Variants in FBXL7 observed in about 807,000 individuals in gnomAD.
The protein encoded by FBXL7 is F-box and leucine rich repeat protein 7, also known as F-box/LRR-repeat protein 7.
FBXL7 carries 12 observed loss-of-function variants against 38.3 expected under a neutral mutation model. The ratio of observed to expected loss-of-function variants is 0.31; its 90% confidence interval spans 0.20 to 0.51. The LOEUF (loss-of-function observed/expected upper bound fraction) is 0.51, where lower values mean the gene tolerates loss of function less well. Ranked by LOEUF, FBXL7 falls within the 20% of genes least tolerant of loss-of-function variation. The pLI is 0.98. For missense variants in FBXL7, 567 were observed against 676.4 expected (o/e 0.84, Z 1.79); for synonymous variants, 297 against 300.9 (o/e 0.99, Z 0.13).
intron 2 of FBXL7, among the ~76,000 whole-genome samples, chr5:15,695,908 T>A (rs1743318452): frequency 6.6e-6 from 1 of 152,226 alleles, no homozygotes; most frequent in African/African-American, 2.4e-5. Flanking sequence ...CTGCAGTTGC[T>A]TTCTCTGTTC....
intron 2 of FBXL7, among the ~76,000 whole-genome samples, chr5:15,641,238 A>G (rs188626127): frequency 3.3e-5 from 5 of 152,288 alleles, no homozygotes; most frequent in Admixed American, 2.6e-4. Context: ...AAACCTTTCC[A>G]TGAGACTGAG....
At chr5:15,741,702 A>G (rs1345733650) in intron 2 of FBXL7, among the ~76,000 whole-genome samples, 1 of 152,238 alleles carries the variant, frequency 6.6e-6, no homozygotes, top group Non-Finnish European at 1.5e-5. Flanking sequence ...GAAGGAAAAT[A>G]TCGTATAGTC....
intron 2 of FBXL7, among the ~76,000 whole-genome samples, chr5:15,745,105 G>A (rs948574748): frequency 8.6e-5 from 13 of 151,986 alleles, no homozygotes; most frequent in African/African-American, 3.1e-4. Context: ...CACAAAATAA[G>A]AATAGAGATG....
rs113424407 is a variant in FBXL7 at position 15,609,670 on chromosome 5, T to C, written c.38-6313T>C. 7.5e-4 allele frequency among the ~76,000 whole-genome samples: 114 copies of C among 152,300 alleles called. 1 individual carries two copies. Among genetic ancestry groups the C allele is most frequent in the African/African-American group, 2.6e-3 (109 of 41,564 alleles). On this transcript the variant is annotated intron_variant, in intron 1 of 3. Coordinates refer to ENST00000504595, the MANE Select transcript of FBXL7 (RefSeq NM_012304.5). ...CCAACAGACTTTCCTTGACTTGTGGTCATGTCAGTGTCACCATGAAACCCA... is the reference window on the plus strand; with the variant it reads ...CCAACAGACTTTCCTTGACTTGTGGCCATGTCAGTGTCACCATGAAACCCA...
chr5:15,656,894 G>T (rs1432911458), intron 2 of FBXL7, among the ~76,000 whole-genome samples: 1 of 152,070 alleles, frequency 6.6e-6, no homozygotes, highest in Admixed American at 6.6e-5. Flanking sequence ...TATGTAAATT[G>T]TAGCCTGTAT....
At position 15,567,528 on chromosome 5, in the gene FBXL7, G is replaced by C. The variant is rs1365913791; in HGVS notation, c.38-48455G>C. Among the ~76,000 whole-genome samples, 23 of 151,690 alleles carry C rather than the reference G, an allele frequency of 1.5e-4. 1 individual carries two copies. Reference sequence around the variant, plus strand: ...ATCAGCATTCAGTGACCGTTACTTGGGAATCTAGATAATTTTCACTGAGAA... The same window carrying C: ...ATCAGCATTCAGTGACCGTTACTTGCGAATCTAGATAATTTTCACTGAGAA... On this transcript the variant is annotated intron_variant, in intron 1 of 3. Transcript: ENST00000504595.
chr5:15,606,985 G>T (rs185190941), intron 1 of FBXL7: 1 of 152,160 alleles, frequency 6.6e-6, no homozygotes, highest in East Asian at 1.9e-4. Context: ...CAGATCAATT[G>T]TTTGAGATAA....
At chr5:15,504,148 G>C (rs1736578585) in intron 1 of FBXL7, among the ~76,000 whole-genome samples, 1 of 152,234 alleles carries the variant, frequency 6.6e-6, no homozygotes, top group Non-Finnish European at 1.5e-5. Context: ...TGACTTGGGA[G>C]TCTAAAAATT....
At chr5:15,781,895 T>C (rs797012329) in intron 2 of FBXL7, among the ~76,000 whole-genome samples, 5 of 152,302 alleles carry the variant, frequency 3.3e-5, no homozygotes, top group African/African-American at 1.2e-4. Context: ...GTTTTTTACA[T>C]AGATATACAT....
chr5:15,508,045 A>G (rs1736693838), intron 1 of FBXL7, among the ~76,000 whole-genome samples: 1 of 152,172 alleles, frequency 6.6e-6, no homozygotes, highest in Non-Finnish European at 1.5e-5. Context: ...ATCCATCTCA[A>G]AAAACATATA....
intron 2 of FBXL7, among the ~76,000 whole-genome samples, chr5:15,796,876 C>T (rs150764988): frequency 5.9e-5 from 9 of 152,214 alleles, no homozygotes; most frequent in Admixed American, 3.9e-4. Flanking sequence ...TTAGAACGTG[C>T]GTGATGAGAT....
intron 2 of FBXL7, among the ~76,000 whole-genome samples, chr5:15,673,510 C>A (rs1245484117): frequency 1.3e-5 from 2 of 152,026 alleles, no homozygotes; most frequent in Non-Finnish European, 2.9e-5. Flanking sequence ...CACCATGGAA[C>A]ACAGAGACAC....
intron 2 of FBXL7, among the ~76,000 whole-genome samples, chr5:15,816,500 G>A (rs141015211): frequency 1.3e-4 from 20 of 152,252 alleles, no homozygotes; most frequent in African/African-American, 4.3e-4. Context: ...GTGGGGAGGT[G>A]AAGTGGGGAA....
chr5:15,534,107 C>T (rs981790247), intron 1 of FBXL7, among the ~76,000 whole-genome samples: 15 of 152,164 alleles, frequency 9.9e-5, no homozygotes, highest in African/African-American at 3.6e-4. Context: ...GGCACAGCGT[C>T]CTGCACTGTT....
At chr5:15,653,430 C>T (rs1044427819) in intron 2 of FBXL7, among the ~76,000 whole-genome samples, 1 of 152,172 alleles carries the variant, frequency 6.6e-6, no homozygotes, top group East Asian at 1.9e-4. Flanking sequence ...TAAGACTTCA[C>T]AGTATATCTG....
At chr5:15,707,173 C>CTTTTT (rs1743708795) in intron 2 of FBXL7, among the ~76,000 whole-genome samples, 6 of 39,182 alleles carry the variant, frequency 1.5e-4, no homozygotes, top group Non-Finnish European at 2.7e-4. Context: ...TTTTTCTTTT[C>CTTTTT]GTTTTTTTTT....
chr5:15,921,313 G>A (rs1240713231), intron 2 of FBXL7, among the ~76,000 whole-genome samples: 1 of 150,992 alleles, frequency 6.6e-6, no homozygotes, highest in Non-Finnish European at 1.5e-5. Context: ...CTGGGAAGGT[G>A]GAGGTTGCAG....
intron 2 of FBXL7, among the ~76,000 whole-genome samples, chr5:15,838,104 G>A (rs1017513007): frequency 2.0e-5 from 3 of 152,152 alleles, no homozygotes; most frequent in African/African-American, 7.2e-5. Flanking sequence ...TCAGAGTTCA[G>A]TATGTTGGTG....
At chr5:15,706,561 A>G (rs1743686687) in intron 2 of FBXL7, among the ~76,000 whole-genome samples, 1 of 152,212 alleles carries the variant, frequency 6.6e-6, no homozygotes, top group Non-Finnish European at 1.5e-5. Flanking sequence ...CAAGAATGGA[A>G]GTGGTTCAGT....
Sources: gnomAD v4.1 joint callset for allele counts (sites outside exome capture counted in the v4.1 genomes callset) on GRCh38, gnomAD v4.1.1 for gene constraint, MANE v1.5 for transcripts, NCBI Gene and HGNC (gene_info 2026-07-23, HGNC 2026-07-21) for gene names.